PPIE: variants seen among roughly 807,000 people sequenced by gnomAD.
PPIE encodes peptidylprolyl isomerase E, also known as peptidyl-prolyl cis-trans isomerase E.
In PPIE, 20 loss-of-function variants were observed where a neutral mutation model predicts 38.4. The observed-to-expected ratio is 0.52, with a 90% confidence interval of 0.37 to 0.76. The LOEUF (loss-of-function observed/expected upper bound fraction) is 0.76, where lower values mean the gene tolerates loss of function less well. PPIE is among the 30% of genes least tolerant of loss of function. The pLI is 0.00. For missense variants in PPIE, 322 were observed against 385.8 expected, an observed-to-expected ratio of 0.83 and a Z score of 1.39; for synonymous variants, 142 against 135.7, an observed-to-expected ratio of 1.05 and a Z score of -0.32.
chr1:39,756,271 C>T lies in PPIE; in HGVS notation c.*2916C>T. 1 of 985,478 alleles carries T rather than the reference C, an allele frequency of 1.0e-6. No homozygotes were observed. The highest frequency in any genetic ancestry group is 4.7e-5 in the South Asian group (1 of 21,284). The allele number at this position is 985,478 out of a possible 1,614,324, so 61.0% of individuals were successfully genotyped here. On this transcript the variant is annotated 3_prime_UTR_variant, in exon 10 of 10. Coordinates refer to ENST00000324379, the MANE Select transcript of PPIE (RefSeq NM_006112.4). ...AGCGGCTTTCCCTGGGACTGTGTGG[C>T]TCCTGTCCCAACTGGCCTCCCCATT...
In PPIE at chr1:39,745,384, A is replaced by G. The variant is rs770390684; in HGVS notation, c.394A>G (p.Ile132Val). Residue 132 changes from isoleucine (I) to valine (V), a missense_variant, in exon 7 of 10, where the codon ATT (isoleucine) becomes GTT (valine). Transcript: ENST00000324379. ...TTTCTTCTGCACCTAGGGAGAGCCC[A>G]TTGCTAAAAAGGCCCGCTCAAATCC... ...PKAETQEGEP[I>V]AKKARSNPQV... is the part of the protein sequence containing the mutation. 4 of 1,614,208 alleles carry G rather than the reference A, an allele frequency of 2.5e-6. No individual in the cohort carries two copies. In the South Asian group the frequency reaches 3.3e-5, roughly 13 times the overall value.
chr1:39,756,485 C>T lies in PPIE; in HGVS notation c.*3130C>T, dbSNP rs1648283959. The T allele has an allele frequency of 2.0e-6, 2 of 985,418 alleles. No homozygotes were observed. The highest frequency in any genetic ancestry group is 1.2e-6 in the Non-Finnish European group (1 of 829,938). 61.0% of individuals were successfully genotyped at this position (985,418 alleles called of 1,614,324 possible). A position where few individuals can be genotyped will look rare whatever the true frequency, so the allele number is the denominator to read the frequency against. ...AGTGCTGTGGCTGTTGGAGTGTCCTCTCCAACAGCATGACAGCCGCCTCCA... is the reference window on the plus strand; with the variant it reads ...AGTGCTGTGGCTGTTGGAGTGTCCTTTCCAACAGCATGACAGCCGCCTCCA... On this transcript the variant is annotated 3_prime_UTR_variant, in exon 10 of 10. Transcript: ENST00000324379.
At position 39,743,306 on chromosome 1, in the gene PPIE, G is replaced by C. The variant is rs1482892686; in HGVS notation, c.283+9G>C. 5.0e-6 allele frequency: 8 copies of C among 1,612,682 alleles called. No individual in the cohort carries two copies. The highest frequency in any genetic ancestry group is 3.4e-6 in the Non-Finnish European group (4 of 1,178,702). On this transcript the variant is annotated intron_variant, in intron 5 of 9. Transcript: ENST00000324379. ...AGGCTCTTCCAGGCCAGGTGAGTAG[G>C]AGCAACTTCCAGATTCCCTGTGATG...
In PPIE at chr1:39,742,980, G is replaced by A. The variant is rs1482828331; in HGVS notation, c.202-236G>A. ...GCATTTATTTTTGTAATTTTGGAGT[G>A]TTCTGAACCCAGAGTTACTTTTGGT... On this transcript the variant is annotated intron_variant, in intron 4 of 9. Transcript: ENST00000324379. 2.1e-5 allele frequency: 9 copies of A among 434,874 alleles called. No individual in the cohort carries two copies. The East Asian group carries it at 3.0e-4, about 14-fold the overall frequency. 26.9% of individuals were successfully genotyped at this position (434,874 alleles called of 1,614,324 possible).
chr1:39,763,685 T>C, intron 9 of PPIE: 1 of 1,581,556 alleles, frequency 6.3e-7, no homozygotes, highest in African/African-American at 1.4e-5. Context: ...GATTGTCATT[T>C]CAGAAACAAG....
chr1:39,748,864 ATTT>A (rs767818384), intron 7 of PPIE, 36 bp from the exon 8 acceptor site: 113 of 1,576,980 alleles, frequency 7.2e-5, no homozygotes, highest in Admixed American at 9.7e-5. Context: ...ATTTTGTCCT[ATTT>A]TTTAACCCCA....
chr1:39,741,546 C>A, intron 3 of PPIE, 137 bp downstream of exon 3: 1 of 892,742 alleles, frequency 1.1e-6, no homozygotes, highest in Non-Finnish European at 1.8e-6. Context: ...AAGTGCTGTT[C>A]TAAGGAAAGC....
At chr1:39,738,954 C>T (rs368532599) in intron 1 of PPIE, 23 bp downstream of exon 1, 5 of 1,455,032 alleles carry the variant, frequency 3.4e-6, no homozygotes, top group South Asian at 1.5e-5. Context: ...GGTTGCTAGG[C>T]GGAGTCTGAG....
intron 4 of PPIE, chr1:39,742,219 C>A: frequency 3.5e-6 from 1 of 289,070 alleles, no homozygotes. Context: ...GGTGTAACTG[C>A]ATATTTTGCA....
Position 39,756,244 on chromosome 1 carries a change from A to T in PPIE, c.*2889A>T, listed in dbSNP as rs902548390. ...CGTCCTTTCCTGCAGCCTGGAGAGC[A>T]AAGCGGCTTTCCCTGGGACTGTGTG... On this transcript the variant is annotated 3_prime_UTR_variant, in exon 10 of 10. Coordinates refer to ENST00000324379, the MANE Select transcript of PPIE (RefSeq NM_006112.4). The T allele has an allele frequency of 1.0e-6, 1 of 985,370 alleles. No homozygotes were observed. Among genetic ancestry groups the T allele is most frequent in the Admixed American group, 6.1e-5 (1 of 16,276 alleles). The allele number at this position is 985,370 out of a possible 1,614,324, so 61.0% of individuals were successfully genotyped here.
chr1:39,760,961 C>A (rs1025271562), downstream of PPIE, among the ~76,000 whole-genome samples: 5 of 152,046 alleles, frequency 3.3e-5, no homozygotes, highest in Non-Finnish European at 7.4e-5. Context: ...TTTGGCCCTT[C>A]GGACCCCCAG....
intron 2 of PPIE, among the ~76,000 whole-genome samples, chr1:39,740,963 G>A (rs180943417): frequency 6.6e-6 from 1 of 152,178 alleles, no homozygotes; most frequent in Admixed American, 6.5e-5. Context: ...TGAAGATAAA[G>A]ACTGAGCATC....
downstream of PPIE, among the ~76,000 whole-genome samples, chr1:39,760,764 C>A (rs566681308): frequency 6.6e-6 from 1 of 152,266 alleles, no homozygotes; most frequent in African/African-American, 2.4e-5. Context: ...TAGTAACACG[C>A]AGTGCCCAGG....
intron 7 of PPIE, chr1:39,745,707 C>A (rs139805846): frequency 8.2e-6 from 5 of 609,584 alleles, no homozygotes; most frequent in Admixed American, 3.4e-5. Flanking sequence ...GTTTTTTAAT[C>A]GTTTTTTAAA....
At chr1:39,762,991 C>A (rs187722584) in intron 9 of PPIE, 11 of 1,409,762 alleles carry the variant, frequency 7.8e-6, no homozygotes, top group African/African-American at 1.4e-5. Context: ...CCCTGAGACG[C>A]GGAGCAGGTG....
At chr1:39,750,247 T>C (rs1406410166) in intron 8 of PPIE, among the ~76,000 whole-genome samples, 2 of 152,196 alleles carry the variant, frequency 1.3e-5, no homozygotes. Flanking sequence ...CTTGAAAACA[T>C]GGTACAGACT....
downstream of PPIE, among the ~76,000 whole-genome samples, chr1:39,757,030 T>C (rs1398237426): frequency 6.6e-6 from 1 of 152,202 alleles, no homozygotes; most frequent in Non-Finnish European, 1.5e-5. Context: ...GATCCCATTG[T>C]CTGGGAACAC....
In PPIE at chr1:39,755,135, G is replaced by A. The variant is rs1205728205; in HGVS notation, c.*1780G>A. On this transcript the variant is annotated 3_prime_UTR_variant, in exon 10 of 10. Transcript: ENST00000324379. ...CCTCCAGATGCTGGTCAGCCAGGCG[G>A]TTATAAAGAATCTCATCTGCTGAAG... 3.0e-6 allele frequency: 3 copies of A among 985,340 alleles called. No homozygotes were observed. The highest frequency in any genetic ancestry group is 3.6e-6 in the Non-Finnish European group (3 of 829,938). 61.0% of individuals were successfully genotyped at this position (985,340 alleles called of 1,614,324 possible).
intron 8 of PPIE, among the ~76,000 whole-genome samples, chr1:39,749,758 C>T (rs1358866504): frequency 6.6e-6 from 1 of 152,174 alleles, no homozygotes; most frequent in African/African-American, 2.4e-5. Flanking sequence ...TAAAGTTGTC[C>T]CCTTCTTGTA....
Sources: allele counts gnomAD v4.1 joint callset (sites outside exome capture counted in the v4.1 genomes callset), GRCh38; gene constraint gnomAD v4.1.1; transcripts MANE v1.5; gene names NCBI Gene and HGNC (gene_info 2026-07-23, HGNC 2026-07-21).